PCDHA8: variants seen among roughly 807,000 people sequenced by gnomAD.
PCDHA8 encodes protocadherin alpha-8.
A neutral mutation model predicts 61.8 loss-of-function variants in PCDHA8; 53 were observed. The ratio of observed to expected loss-of-function variants is 0.86; its 90% confidence interval spans 0.69 to 1.08. The LOEUF (loss-of-function observed/expected upper bound fraction) is 1.08, where lower values mean the gene tolerates loss of function less well. Ranked by LOEUF, PCDHA8 falls within the 50% of genes least tolerant of loss-of-function variation. The probability of loss-of-function intolerance (pLI) is 0.00; values close to 1 mark genes in which losing one functional copy is unlikely to be tolerated. For missense variants in PCDHA8, 1,293 were observed against 1,245.0 expected, an observed-to-expected ratio of 1.04 and a Z score of -0.58; for synonymous variants, 618 against 556.6, an observed-to-expected ratio of 1.11 and a Z score of -1.55.
intron 1 of PCDHA8, 167 bp from the exon 2 acceptor site, chr5:140,978,782 A>T (rs782295456): frequency 3.1e-5 from 30 of 971,664 alleles, no homozygotes; most frequent in Non-Finnish European, 3.7e-5. Context: ...TTTTCTTCTA[A>T]AGTGCTATAT....
rs1554140048 is a variant in PCDHA8, at chr5:140,843,414, T to G, written c.2093T>G (p.Val698Gly). 6 of 1,596,080 alleles carry G rather than the reference T, an allele frequency of 3.8e-6. 1 individual carries two copies. Among genetic ancestry groups the G allele is most frequent in the South Asian group, 1.1e-5 (1 of 90,504 alleles). Residue 698 changes from valine (V) to glycine (G), a missense_variant, in exon 1 of 4, where the codon GTG becomes GGG. Val to Gly is a moderately radical substitution (Grantham distance 109). Coordinates refer to ENST00000531613, the MANE Select transcript of PCDHA8 (RefSeq NM_018911.3). ...GPEAALVDVN[V>G]YLIIAICAVS... is the part of the protein sequence containing the mutation. The stretch of plus-strand genomic sequence containing the variant: ...GAAGCGGCGCTGGTGGATGTCAACG[T>G]GTACCTGATCATCGCCATCTGCGCG...
intron 1 of PCDHA8, chr5:140,966,814 C>T: frequency 1.9e-6 from 3 of 1,552,444 alleles, no homozygotes; most frequent in East Asian, 2.4e-5. Context: ...ATCCACGGCT[C>T]CGGCGGCCCA....
intron 1 of PCDHA8, among the ~76,000 whole-genome samples, chr5:140,974,980 G>A (rs149148015): frequency 2.4e-4 from 36 of 152,208 alleles, no homozygotes; most frequent in Non-Finnish European, 5.0e-4. Context: ...TGAGTTGTCC[G>A]CTCAGGTATT....
intron 1 of PCDHA8, chr5:140,968,679 A>T: frequency 6.2e-7 from 1 of 1,614,176 alleles, no homozygotes; most frequent in South Asian, 1.1e-5. Flanking sequence ...GTAGAGCTGC[A>T]CACAGGAGAA....
chr5:140,898,733 A>C (rs1401773719), intron 1 of PCDHA8, among the ~76,000 whole-genome samples: 1 of 152,154 alleles, frequency 6.6e-6, no homozygotes, highest in Non-Finnish European at 1.5e-5. Flanking sequence ...GAAGAAAGTC[A>C]TTGGTAGCTT....
chr5:140,955,987 A>G (rs1185683030), intron 1 of PCDHA8, among the ~76,000 whole-genome samples: 3 of 152,198 alleles, frequency 2.0e-5, no homozygotes, highest in African/African-American at 7.2e-5. Flanking sequence ...CAATTTTTGC[A>G]CATTGATTTT....
At chr5:140,976,241 T>C (rs1170027788) in intron 1 of PCDHA8, among the ~76,000 whole-genome samples, 3 of 152,144 alleles carry the variant, frequency 2.0e-5, no homozygotes, top group African/African-American at 4.8e-5. Context: ...TGTCATTTCA[T>C]GTAAATTTAT....
At chr5:140,904,199 C>A (rs2070936424) in intron 1 of PCDHA8, among the ~76,000 whole-genome samples, 1 of 151,944 alleles carries the variant, frequency 6.6e-6, no homozygotes, top group Non-Finnish European at 1.5e-5. Flanking sequence ...CCCTTTCCCC[C>A]TAAGTCCCCA....
intron 1 of PCDHA8, among the ~76,000 whole-genome samples, chr5:140,913,296 T>A (rs538964015): frequency 2.1e-4 from 32 of 152,322 alleles, no homozygotes; most frequent in African/African-American, 7.0e-4. Flanking sequence ...TTTAATTTCT[T>A]CATAGATCAA....
chr5:140,886,122 C>T (rs1394228638), intron 1 of PCDHA8, among the ~76,000 whole-genome samples: 1 of 152,116 alleles, frequency 6.6e-6, no homozygotes, highest in Non-Finnish European at 1.5e-5. Context: ...AACATAGTTC[C>T]GTAACAACCA....
intron 1 of PCDHA8, chr5:140,861,935 C>T (rs2047149357): frequency 6.5e-6 from 1 of 153,898 alleles, no homozygotes; most frequent in Admixed American, 6.5e-5. Flanking sequence ...TGATGATGCC[C>T]AGTGTTTGAC....
intron 3 of PCDHA8, among the ~76,000 whole-genome samples, chr5:140,985,879 A>G (rs539308826): frequency 6.6e-6 from 1 of 151,504 alleles, no homozygotes; most frequent in Non-Finnish European, 1.5e-5. Context: ...AGCTGGGACT[A>G]CAGGCGCCCG....
In PCDHA8 at chr5:140,968,189, T is replaced by G. The variant is rs181004208; in HGVS notation, c.2395-10760T>G. The G allele has an allele frequency of 2.2e-5, 35 of 1,614,034 alleles. No individual in the cohort carries two copies. The Admixed American group carries it at 4.2e-4, about 19-fold the overall frequency. On this transcript the variant is annotated intron_variant, in intron 1 of 3. Coordinates refer to ENST00000531613, the MANE Select transcript of PCDHA8 (RefSeq NM_018911.3). ...ACCAAGCTTCCTGGAGGACTCCTAT[T>G]CCATCTACATACAGGAGAACAATTT... is the stretch of plus-strand genomic sequence containing the variant.
At position 140,942,589 on chromosome 5, in the gene PCDHA8, T is replaced by A. The variant is rs1444015331; in HGVS notation, c.2395-36360T>A. On this transcript the variant is annotated intron_variant, in intron 1 of 3. Coordinates refer to ENST00000531613, the MANE Select transcript of PCDHA8 (RefSeq NM_018911.3). ...AAATCTTCCCATATAGGATGTCACA[T>A]ATAATTATAGTGTTTATATTTGCCA... Among the ~76,000 whole-genome samples, 4 of 148,934 alleles carry A rather than the reference T, an allele frequency of 2.7e-5. No homozygotes were observed. In the Admixed American group the frequency reaches 2.7e-4, roughly 10 times the overall value.
At chr5:140,967,171 G>A (rs181864889) in intron 1 of PCDHA8, 2 of 1,611,944 alleles carry the variant, frequency 1.2e-6, no homozygotes, top group Non-Finnish European at 8.5e-7. Flanking sequence ...GCGCCGTTGA[G>A]GTGGAAATAT....
intron 1 of PCDHA8, chr5:140,850,445 G>A: frequency 6.3e-7 from 1 of 1,597,998 alleles, no homozygotes; most frequent in Non-Finnish European, 8.6e-7. Context: ...TACTGGTGCT[G>A]GTGAAAGACC....
chr5:140,955,998 G>A (rs1194688184), intron 1 of PCDHA8, among the ~76,000 whole-genome samples: 1 of 152,174 alleles, frequency 6.6e-6, no homozygotes, highest in Non-Finnish European at 1.5e-5. Context: ...CATTGATTTT[G>A]TATCCTGAGA....
At position 140,877,853 on chromosome 5, in the gene PCDHA8, A is replaced by G. The variant is rs1299590962; in HGVS notation, c.2394+34138A>G. On this transcript the variant is annotated intron_variant, in intron 1 of 3. Transcript: ENST00000531613. ...CCTCCCAGTGAAGTAAGTTATTAAT[A>G]TTATTTAGATATATTTGTTTCCTTG... 2.0e-6 allele frequency: 3 copies of G among 1,535,406 alleles called. No homozygotes were observed. The East Asian group carries it at 7.1e-5, about 36-fold the overall frequency.
At position 140,843,635 on chromosome 5, in the gene PCDHA8, T is replaced by C. The variant is rs1554140305; in HGVS notation, c.2314T>C (p.Phe772Leu). Residue 772 changes from phenylalanine to leucine, a missense_variant, in exon 1 of 4, where the codon TTC (phenylalanine) becomes CTC (leucine). Transcript: ENST00000531613. ...EGPPKTDLMA[F>L]SPCLPPDLGS... ...GCCACCGAAGACGGACCTCATGGCC[T>C]TCAGCCCCTGCCTTCCTCCTGATCT... The C allele has an allele frequency of 1.3e-6, 2 of 1,595,882 alleles. No homozygotes were observed. Among genetic ancestry groups the C allele is most frequent in the Non-Finnish European group, 1.7e-6 (2 of 1,165,384 alleles).
Sources: allele counts gnomAD v4.1 joint callset (sites outside exome capture counted in the v4.1 genomes callset), GRCh38; gene constraint gnomAD v4.1.1; transcripts MANE v1.5; gene names NCBI Gene and HGNC (gene_info 2026-07-23, HGNC 2026-07-21).